The following UGGT1 variants were observed in gnomAD, a reference collection of about 807,000 sequenced individuals.
UGGT1 encodes the protein UDP-glucose glycoprotein glucosyltransferase 1.
Under a neutral mutation model 203.9 loss-of-function variants are expected in UGGT1, and 107 were observed. That is an observed-to-expected ratio of 0.52 (90% confidence interval 0.45 to 0.62). UGGT1 has a LOEUF of 0.62. Ranked by LOEUF, UGGT1 falls within the 20% of genes least tolerant of loss-of-function variation. The pLI is 0.00. For missense variants in UGGT1, 1,673 were observed against 1,867.2 expected (o/e 0.90, Z 1.92); for synonymous variants, 628 against 653.5 (o/e 0.96, Z 0.59).
At chr2:128,175,832 C>G (rs1460303219) in intron 31 of UGGT1, among the ~76,000 whole-genome samples, 1 of 152,168 alleles carries the variant, frequency 6.6e-6, no homozygotes, top group Admixed American at 6.5e-5. Context: ...GCCTGAGAAC[C>G]CTACTCTCTG....
chr2:128,121,004 C>T (rs543805520), intron 9 of UGGT1, among the ~76,000 whole-genome samples, 195 bp from the exon 10 acceptor site: 5 of 152,224 alleles, frequency 3.3e-5, no homozygotes, highest in South Asian at 4.1e-4. Context: ...ATATCAGAAA[C>T]GGCTCAACTG....
chr2:128,131,031 G>A lies in UGGT1; in HGVS notation c.1377+1852G>A, dbSNP rs547558158. On this transcript the variant is annotated intron_variant, in intron 13 of 40. Coordinates refer to ENST00000259253, the MANE Select transcript of UGGT1 (RefSeq NM_020120.4). ...GTGGATCATTTGAGGTGAGGAGTTC[G>A]CGACCAGCCTGGGCAACATGGTGAA... Among the ~76,000 whole-genome samples, 5 of 151,534 alleles carry A rather than the reference G, an allele frequency of 3.3e-5. No individual in the cohort carries two copies. In the East Asian group the frequency reaches 9.7e-4, roughly 29 times the overall value.
rs768706560 is a variant in UGGT1 at position 128,155,621 on chromosome 2, A to G, written c.2236+34A>G. 3.2e-6 allele frequency: 5 copies of G among 1,542,704 alleles called. 1 individual carries two copies. The East Asian group carries it at 6.8e-5, about 21-fold the overall frequency. The stretch of plus-strand genomic sequence containing the variant: ...TTTGAGGCTTATTATCTTGCATTCA[A>G]CATTTTTTTGAAAGTATTTGCATAT... On this transcript the variant is annotated intron_variant, in intron 20 of 40. Coordinates refer to ENST00000259253, the MANE Select transcript of UGGT1 (RefSeq NM_020120.4).
chr2:128,155,168 GT>G (rs1690167718), intron 19 of UGGT1, among the ~76,000 whole-genome samples: 1 of 152,194 alleles, frequency 6.6e-6, no homozygotes, highest in South Asian at 2.1e-4. Context: ...GGAGAAATGA[GT>G]TAAGGGGATC....
intron 12 of UGGT1, among the ~76,000 whole-genome samples, chr2:128,128,452 C>T (rs1345345957): frequency 2.0e-5 from 3 of 152,036 alleles, no homozygotes; most frequent in Admixed American, 1.3e-4. Flanking sequence ...GCTGGGATTA[C>T]AGGCACCTGC....
intron 1 of UGGT1, among the ~76,000 whole-genome samples, chr2:128,096,129 A>T (rs1558744289): frequency 6.6e-6 from 1 of 152,176 alleles, no homozygotes; most frequent in Non-Finnish European, 1.5e-5. Flanking sequence ...GGATCTTGAC[A>T]GGCTTGGAGC....
intron 39 of UGGT1, 67 bp downstream of exon 39, chr2:128,186,866 A>G (rs1459280657): frequency 6.2e-6 from 7 of 1,135,268 alleles, no homozygotes; most frequent in African/African-American, 3.2e-5. Flanking sequence ...ACGATTAATG[A>G]TTTTTATTTA....
chr2:128,091,342 T>C lies in UGGT1; in HGVS notation c.-16T>C. ...CGTTGTCTCTGGCACTGTGGCGGAC[T>C]GACCACGGCCCGGGCATGGGCTGCA... is the stretch of plus-strand genomic sequence containing the variant. On this transcript the variant is annotated 5_prime_UTR_variant, in exon 1 of 41. Transcript: ENST00000259253. 1 of 1,553,850 alleles carries C rather than the reference T, an allele frequency of 6.4e-7. No homozygotes were observed. The highest frequency in any genetic ancestry group is 8.7e-7 in the Non-Finnish European group (1 of 1,149,128).
chr2:128,133,366 TC>T, intron 14 of UGGT1, 106 bp downstream of exon 14: 2 of 1,415,072 alleles, frequency 1.4e-6, no homozygotes, highest in Non-Finnish European at 1.9e-6. Context: ...AGCTGCTTCC[TC>T]CCCCACCCTT....
At chr2:128,131,445 C>A (rs577892261) in intron 13 of UGGT1, among the ~76,000 whole-genome samples, 1 of 152,234 alleles carries the variant, frequency 6.6e-6, no homozygotes, top group South Asian at 2.1e-4. Flanking sequence ...TTGAGAGGTC[C>A]TCCTGCCTCA....
At chr2:128,171,333 A>G in intron 28 of UGGT1, 49 bp downstream of exon 28, 1 of 1,507,624 alleles carries the variant, frequency 6.6e-7, no homozygotes, top group Non-Finnish European at 9.2e-7. Context: ...TACTGAATCC[A>G]AGTTCTGATA....
intron 12 of UGGT1, among the ~76,000 whole-genome samples, chr2:128,128,727 C>T (rs1396472620): frequency 3.3e-5 from 5 of 152,176 alleles, no homozygotes; most frequent in Non-Finnish European, 5.9e-5. Flanking sequence ...GACATTGAAA[C>T]ATATATTAAG....
intron 2 of UGGT1, among the ~76,000 whole-genome samples, chr2:128,098,305 G>A (rs1558746433): frequency 6.6e-6 from 1 of 152,196 alleles, no homozygotes; most frequent in Admixed American, 6.5e-5. Context: ...GGTGGCTCAC[G>A]CCTATAATCC....
In UGGT1 at chr2:128,136,103, A is replaced by ACT. The variant is rs545502176; in HGVS notation, c.1583+1144_1583+1145dup. 1.1e-4 allele frequency among the ~76,000 whole-genome samples: 17 copies of ACT among 152,258 alleles called. 1 individual carries two copies. In the East Asian group the frequency reaches 3.1e-3, roughly 28 times the overall value. On this transcript the variant is annotated intron_variant, in intron 15 of 40. Coordinates refer to ENST00000259253, the MANE Select transcript of UGGT1 (RefSeq NM_020120.4). Reference sequence around the variant, plus strand: ...AGGCAGGTGAGAAGAAGGCACTTGAACTCCTAGGCAACTGAGAGATTGTGA... The same window carrying ACT: ...AGGCAGGTGAGAAGAAGGCACTTGAACTCTCCTAGGCAACTGAGAGATTGTGA...
At chr2:128,176,733 G>A (rs1691415120) in intron 31 of UGGT1, 81 bp from the exon 32 acceptor site, 3 of 1,297,704 alleles carry the variant, frequency 2.3e-6, no homozygotes, top group Non-Finnish European at 3.3e-6. Context: ...TGAGAAGGAT[G>A]ATGGACTCAG....
Position 128,109,740 on chromosome 2 carries a change from C to G in UGGT1, c.515C>G (p.Ser172Cys). ...CTTGAGGCTCTTCTACTGACAGCCT[C>G]TGAAAGGTAGATTATGTGTTTCTTT... ...DTLEALLLTA[S>C]ERPKPLLFKG... is the part of the protein sequence containing the mutation. Residue 172 changes from serine (S) to cysteine (C), a missense_variant, in exon 5 of 41, where the codon TCT becomes TGT. By Grantham distance (112) the Ser-to-Cys change is moderately radical (BLOSUM62 -1). Transcript: ENST00000259253. The G allele has an allele frequency of 6.2e-7, 1 of 1,612,284 alleles. No homozygotes were observed. The highest frequency in any genetic ancestry group is 8.5e-7 in the Non-Finnish European group (1 of 1,178,376).
At chr2:128,151,447 T>C (rs1689969026) in intron 18 of UGGT1, 3 of 352,024 alleles carry the variant, frequency 8.5e-6, no homozygotes, top group South Asian at 2.5e-5. Flanking sequence ...ATTTATAATA[T>C]TGACCAAAGT....
chr2:128,184,335 T>C (rs1691866290), intron 38 of UGGT1, among the ~76,000 whole-genome samples: 1 of 152,358 alleles, frequency 6.6e-6, no homozygotes, highest in South Asian at 2.1e-4. Context: ...TTAAGCATTT[T>C]ATTTTGCTTA....
rs576294513 is a variant in UGGT1, at chr2:128,118,191, G to A, written c.872+1848G>A. On this transcript the variant is annotated intron_variant, in intron 8 of 40. Coordinates refer to ENST00000259253, the MANE Select transcript of UGGT1 (RefSeq NM_020120.4). ...CCTACATGTATATACATTTCTTCTC[G>A]TTTAACATCAGTTTTGACCTTGTTA... 1.1e-4 allele frequency among the ~76,000 whole-genome samples: 17 copies of A among 152,104 alleles called. No individual in the cohort carries two copies. In the East Asian group the frequency reaches 1.9e-3, roughly 17 times the overall value.
Sources: allele counts gnomAD v4.1 joint callset (sites outside exome capture counted in the v4.1 genomes callset), GRCh38; gene constraint gnomAD v4.1.1; transcripts MANE v1.5; gene names NCBI Gene and HGNC (gene_info 2026-07-23, HGNC 2026-07-21).